UACA: variants seen among roughly 807,000 people sequenced by gnomAD.
UACA encodes uveal autoantigen with coiled-coil domains and ankyrin repeats.
Under a neutral mutation model 160.5 loss-of-function variants are expected in UACA, and 112 were observed. The ratio of observed to expected loss-of-function variants is 0.70; its 90% CI spans 0.60 to 0.82. The LOEUF is 0.82. Among genes scored for constraint, UACA ranks in the 40% least tolerant of loss-of-function variants. The pLI, the probability that UACA is intolerant of heterozygous loss-of-function variation, is 0.00. For missense variants in UACA, 1,574 were observed against 1,614.6 expected, an observed-to-expected ratio of 0.97 and a Z score of 0.43; for synonymous variants, 557 against 568.4, an observed-to-expected ratio of 0.98 and a Z score of 0.29.
In UACA at chr15:70,690,376, T is replaced by C. The variant is rs1029996771; in HGVS notation, c.424+78A>G. 3.2e-6 allele frequency: 4 copies of C among 1,233,476 alleles called. No individual in the cohort carries two copies. The African/African-American group carries it at 4.6e-5, about 14-fold the overall frequency. 76.4% of individuals were successfully genotyped at this position (1,233,476 alleles called of 1,614,324 possible). The stretch of plus-strand genomic sequence containing the variant: ...TCTCCATGAATTATATAAATATCTA[T>C]GTGTTAAAACCCTGAAATTAATTCA... On this transcript the variant is annotated intron_variant, in intron 5 of 18. Coordinates refer to ENST00000322954, the MANE Select transcript of UACA (RefSeq NM_018003.4).
At chr15:70,762,028 A>G (rs771849578) in intron 1 of UACA, among the ~76,000 whole-genome samples, 4 of 152,184 alleles carry the variant, frequency 2.6e-5, no homozygotes, top group Non-Finnish European at 4.4e-5. Flanking sequence ...TCACTAAATG[A>G]CATTTCTGCC....
At chr15:70,776,521 A>G in the UACA span, among the ~76,000 whole-genome samples, 3 of 144,966 alleles carry the variant, frequency 2.1e-5, no homozygotes, top group African/African-American at 5.1e-5. Context: ...TCCGCCTCCC[A>G]GGTTCAAGCG....
At chr15:70,661,107 TTCTTTTACAC>T (rs1275672795) in intron 17 of UACA, 2 of 152,218 alleles carry the variant, frequency 1.3e-5, no homozygotes, top group African/African-American at 4.8e-5. Flanking sequence ...ATCTCCACGC[TTCTTTTACAC>T]TATTTTCTTT....
At chr15:70,699,751 C>T in intron 1 of UACA, 91 bp from the exon 2 acceptor site, 1 of 1,361,634 alleles carries the variant, frequency 7.3e-7, no homozygotes, top group Non-Finnish European at 1.0e-6. Flanking sequence ...GAAAGCAGTA[C>T]TGCATAATAC....
At chr15:70,769,082 G>A in the UACA span, among the ~76,000 whole-genome samples, 4 of 151,978 alleles carry the variant, frequency 2.6e-5, no homozygotes, top group African/African-American at 4.8e-5. Context: ...TTTCGGGCCC[G>A]GCGCGGTGGC....
At chr15:70,778,872 A>G in the UACA span, 1 of 152,270 alleles carries the variant, frequency 6.6e-6, no homozygotes, top group Non-Finnish European at 1.5e-5. Flanking sequence ...GAGAGCAGAA[A>G]CTGTTTCACT....
the UACA span, among the ~76,000 whole-genome samples, chr15:70,778,596 A>C: frequency 2.0e-5 from 3 of 152,208 alleles, no homozygotes; most frequent in Admixed American, 2.0e-4. Flanking sequence ...CACCCAGATT[A>C]TCCAGGGTAA....
At chr15:70,687,482 T>C (rs958702610) in intron 7 of UACA, 58 bp downstream of exon 7, 2 of 1,527,412 alleles carry the variant, frequency 1.3e-6, no homozygotes, top group Non-Finnish European at 1.8e-6. Context: ...TGCTTTGACT[T>C]GGCCTTTCCA....
chr15:70,741,042 AAAAAT>A (rs533537098), intron 1 of UACA, among the ~76,000 whole-genome samples: 1 of 152,082 alleles, frequency 6.6e-6, no homozygotes, highest in Non-Finnish European at 1.5e-5. Flanking sequence ...AAATAAAAAT[AAAAAT>A]AAAATAAAAT....
intron 12 of UACA, 30 bp downstream of exon 12, chr15:70,677,078 T>C (rs1897322930): frequency 6.4e-7 from 1 of 1,574,082 alleles, no homozygotes; most frequent in Non-Finnish European, 8.7e-7. Context: ...TAAAACAATT[T>C]TAATGGTTTA....
the UACA span, among the ~76,000 whole-genome samples, chr15:70,774,822 G>A: frequency 1.3e-5 from 2 of 152,142 alleles, no homozygotes; most frequent in South Asian, 4.1e-4. Flanking sequence ...TGGAAGCCAA[G>A]GTGGGGGGAT....
At position 70,669,298 on chromosome 15, in the gene UACA, C is replaced by T. The variant is rs1162858778; in HGVS notation, c.1386G>A (p.Lys462=). Residue 462 remains lysine, a synonymous_variant, in exon 16 of 19, where the codon AAG becomes AAA. Coordinates refer to ENST00000322954, the MANE Select transcript of UACA (RefSeq NM_018003.4). ...FCESAKQDRL[K]LQNELAHKVA... ...CTTTGTGTGCCAGTTCATTTTGGAG[C>T]TTCAGTCGGTCTTGTTTTGCTGACT... 3 of 1,614,026 alleles carry T rather than the reference C, an allele frequency of 1.9e-6. No homozygotes were observed. Among genetic ancestry groups the T allele is most frequent in the Non-Finnish European group, 2.5e-6 (3 of 1,179,964 alleles).
chr15:70,725,649 T>C (rs1899121839), intron 1 of UACA, among the ~76,000 whole-genome samples: 3 of 152,226 alleles, frequency 2.0e-5, no homozygotes, highest in South Asian at 4.1e-4. Context: ...GGAAGGCAGA[T>C]AGAACTGTGA....
At chr15:70,690,634 T>C (rs1897900629) in intron 4 of UACA, 123 bp from the exon 5 acceptor site, 2 of 695,288 alleles carry the variant, frequency 2.9e-6, no homozygotes, top group Admixed American at 6.0e-5. Context: ...AGCTAAAGAC[T>C]ATCCGACAAT....
chr15:70,707,713 G>C (rs1440514066), intron 1 of UACA, among the ~76,000 whole-genome samples: 2 of 151,754 alleles, frequency 1.3e-5, no homozygotes, highest in African/African-American at 4.8e-5. Flanking sequence ...CAAAACCACA[G>C]TGAGATATAA....
At chr15:70,772,827 G>A in the UACA span, among the ~76,000 whole-genome samples, 1 of 152,086 alleles carries the variant, frequency 6.6e-6, no homozygotes, top group African/African-American at 2.4e-5. Flanking sequence ...GGTGGCTCAC[G>A]CCTGTAATTC....
intron 18 of UACA, 128 bp from the exon 19 acceptor site, chr15:70,657,255 G>T: frequency 1.4e-6 from 1 of 730,124 alleles, no homozygotes; most frequent in Non-Finnish European, 2.3e-6. Flanking sequence ...TCATCATTGT[G>T]ATTTCTAAAG....
chr15:70,767,011 CGGGTG>C (rs1320213022), upstream of UACA, among the ~76,000 whole-genome samples: 1 of 150,978 alleles, frequency 6.6e-6, no homozygotes, highest in East Asian at 2.0e-4. Flanking sequence ...AAGGCCGAGG[CGGGTG>C]GATCACGGGG....
chr15:70,686,484 C>CTTTTTTTTTTTTTT (rs59586401), intron 7 of UACA, among the ~76,000 whole-genome samples: 1 of 104,856 alleles, frequency 9.5e-6, no homozygotes, highest in Non-Finnish European at 1.9e-5. Flanking sequence ...AGCCAGGGTT[C>CTTTTTTTTTTTTTT]TTTTTTTTTT....
Sources: allele counts gnomAD v4.1 joint callset (sites outside exome capture counted in the v4.1 genomes callset), GRCh38; gene constraint gnomAD v4.1.1; transcripts MANE v1.5; gene names NCBI Gene and HGNC (gene_info 2026-07-23, HGNC 2026-07-21).